Variants in SMAP1 observed in about 807,000 individuals in gnomAD.
SMAP1 encodes stromal membrane-associated protein 1.
A neutral mutation model predicts 58.5 loss-of-function variants in SMAP1; 24 were observed. That is an observed-to-expected ratio of 0.41 (90% CI 0.30 to 0.58). The LOEUF is 0.58. SMAP1 is among the 20% of genes least tolerant of loss of function. The pLI, the probability that SMAP1 is intolerant of heterozygous loss-of-function variation, is 0.29. For synonymous variants in SMAP1, 216 were observed against 196.6 expected (o/e 1.10, Z -0.82); for missense variants, 563 against 566.3 (o/e 0.99, Z 0.06).
intron 1 of SMAP1, among the ~76,000 whole-genome samples, chr6:70,719,100 G>A (rs1451204971): frequency 2.0e-5 from 3 of 152,130 alleles, no homozygotes; most frequent in South Asian, 2.1e-4. Flanking sequence ...TTTAACAGTA[G>A]CAGGTGAAAT....
At chr6:70,789,959 C>G (rs1275005369) in intron 4 of SMAP1, among the ~76,000 whole-genome samples, 2 of 152,082 alleles carry the variant, frequency 1.3e-5, no homozygotes, top group Non-Finnish European at 2.9e-5. Flanking sequence ...ATCATCTTCT[C>G]AAATGGAGGA....
intron 1 of SMAP1, among the ~76,000 whole-genome samples, chr6:70,696,278 T>C (rs1198463465): frequency 6.6e-6 from 1 of 152,170 alleles, no homozygotes; most frequent in African/African-American, 2.4e-5. Flanking sequence ...TTATTTCTTT[T>C]CTTCTAATTT....
rs1201292822 is a variant in SMAP1, at chr6:70,836,969, C to T, written c.605C>T (p.Pro202Leu). 6.2e-7 allele frequency: 1 copy of T among 1,600,876 alleles called. No homozygotes were observed. Among genetic ancestry groups the T allele is most frequent in the Non-Finnish European group, 8.5e-7 (1 of 1,174,344 alleles). ...CAGAAGAAAGATCAGCAACTGGAGCCTAAAAAAAGTACCAGCCCTAAAAAA... is the reference window on the plus strand; with the variant it reads ...CAGAAGAAAGATCAGCAACTGGAGCTTAAAAAAAGTACCAGCCCTAAAAAA... Reference protein sequence around the residue: ...KLQKKDQQLEPKKSTSPKKAA... With the variant: ...KLQKKDQQLELKKSTSPKKAA... Residue 202 changes from proline to leucine, a missense_variant, in exon 7 of 11, where the codon CCT (proline) becomes CTT (leucine). Transcript: ENST00000370455.
chr6:70,858,167 G>A lies in SMAP1; in HGVS notation c.1207G>A (p.Gly403Ser), dbSNP rs989752026. Residue 403 changes from glycine (G) to serine (S), a missense_variant, in exon 10 of 11, where the codon GGT becomes AGT. Coordinates refer to ENST00000370455, the MANE Select transcript of SMAP1 (RefSeq NM_001044305.3). ...CCAAGGAGGAATGGTGGGACAAATG[G>A]GTGCACCCCAGAGTAAGTTTGGCCT... ...GPQGGMVGQM[G>S]APQSKFGLPQ... 1 of 1,613,836 alleles carries A rather than the reference G, an allele frequency of 6.2e-7. No homozygotes were observed. Among genetic ancestry groups the A allele is most frequent in the Non-Finnish European group, 8.5e-7 (1 of 1,180,008 alleles).
At chr6:70,833,405 A>T (rs1170658179) in intron 6 of SMAP1, among the ~76,000 whole-genome samples, 1 of 152,226 alleles carries the variant, frequency 6.6e-6, no homozygotes, top group Non-Finnish European at 1.5e-5. Context: ...ACAAGATTTG[A>T]TAATGGAGGG....
intron 2 of SMAP1, among the ~76,000 whole-genome samples, chr6:70,743,418 A>G (rs990753010): frequency 4.1e-4 from 63 of 152,314 alleles, no homozygotes; most frequent in African/African-American, 1.3e-3. Flanking sequence ...GCTGTTAAAG[A>G]ATTTTTATGA....
chr6:70,762,040 A>G (rs1450717119), intron 3 of SMAP1, among the ~76,000 whole-genome samples: 1 of 152,118 alleles, frequency 6.6e-6, no homozygotes, highest in African/African-American at 2.4e-5. Flanking sequence ...TGTACTGGAA[A>G]TGAGGCTGTA....
chr6:70,851,233 CTA>C lies in SMAP1; in HGVS notation c.665-1305_665-1304del, dbSNP rs549511919. ...AATAGCAAAAAATATTTTATCGTGACTATGTGTTAATAATTCTTTGTAATTGA... is the reference window on the plus strand; with the variant it reads ...AATAGCAAAAAATATTTTATCGTGACTGTGTTAATAATTCTTTGTAATTGA... On this transcript the variant is annotated intron_variant, in intron 7 of 10. Transcript: ENST00000370455. 4.3e-3 allele frequency among the ~76,000 whole-genome samples: 658 copies of C among 152,198 alleles called. 2 individuals are homozygous for C. Among genetic ancestry groups the C allele is most frequent in the African/African-American group, 6.7e-3 (279 of 41,528 alleles).
intron 7 of SMAP1, among the ~76,000 whole-genome samples, chr6:70,849,813 C>T (rs930218619): frequency 1.3e-5 from 2 of 152,184 alleles, no homozygotes; most frequent in African/African-American, 4.8e-5. Context: ...GCACAACTGT[C>T]ACCACCATCT....
chr6:70,775,670 C>CT (rs1019503407), intron 4 of SMAP1, among the ~76,000 whole-genome samples: 1 of 151,982 alleles, frequency 6.6e-6, no homozygotes, highest in African/African-American at 2.4e-5. Flanking sequence ...CAGTTCCTTC[C>CT]TTTTTTTATG....
chr6:70,720,961 A>G (rs1768499192), intron 1 of SMAP1, among the ~76,000 whole-genome samples: 1 of 152,176 alleles, frequency 6.6e-6, no homozygotes, highest in African/African-American at 2.4e-5. Context: ...TTGATATCTT[A>G]TGAACTCTTA....
chr6:70,843,173 A>T (rs1250816734), intron 7 of SMAP1, among the ~76,000 whole-genome samples: 2 of 146,058 alleles, frequency 1.4e-5, no homozygotes, highest in Admixed American at 1.4e-4. Flanking sequence ...CCTTTTTAAA[A>T]TTAACTAATA....
At chr6:70,856,763 CCTAT>C (rs1771441791) in intron 8 of SMAP1, 92 bp from the exon 9 acceptor site, 6 of 1,262,426 alleles carry the variant, frequency 4.8e-6, no homozygotes, top group South Asian at 1.8e-5. Flanking sequence ...TTGTTTGATT[CCTAT>C]CTAATTTTAT....
At chr6:70,710,499 A>AG (rs1346757390) in intron 1 of SMAP1, among the ~76,000 whole-genome samples, 1 of 150,700 alleles carries the variant, frequency 6.6e-6, no homozygotes, top group Non-Finnish European at 1.5e-5. Flanking sequence ...ATCTCAAAAA[A>AG]AAAAAAAAAA....
rs1472098468 is a variant in SMAP1 at position 70,861,155 on chromosome 6, A to G, written c.*821A>G. On this transcript the variant is annotated 3_prime_UTR_variant, in exon 11 of 11. Coordinates refer to ENST00000370455, the MANE Select transcript of SMAP1 (RefSeq NM_001044305.3). ...AAAATGTTATTTCCCTACATTAAAC[A>G]TGACTCCATAGACCTTTTCATTTGT... 6.1e-6 allele frequency: 1 copy of G among 163,058 alleles called. No individual in the cohort carries two copies. Among genetic ancestry groups the G allele is most frequent in the Non-Finnish European group, 1.3e-5 (1 of 75,226 alleles). 10.1% of individuals were successfully genotyped at this position (163,058 alleles called of 1,614,324 possible).
chr6:70,827,686 G>A (rs1258992322), intron 6 of SMAP1, among the ~76,000 whole-genome samples: 3 of 152,296 alleles, frequency 2.0e-5, no homozygotes, highest in African/African-American at 4.8e-5. Context: ...AGTGTTTTGT[G>A]TATCACATAA....
chr6:70,752,649 A>G (rs1264449653), intron 2 of SMAP1, among the ~76,000 whole-genome samples: 3 of 151,734 alleles, frequency 2.0e-5, no homozygotes. Context: ...TCGCCTCCCC[A>G]AAACATCAGC....
intron 6 of SMAP1, among the ~76,000 whole-genome samples, chr6:70,827,594 C>T (rs1054315416): frequency 3.3e-5 from 5 of 152,166 alleles, no homozygotes; most frequent in African/African-American, 9.7e-5. Flanking sequence ...GTAAAATATG[C>T]TATATCATCA....
At chr6:70,838,140 AAAG>A (rs1409622752) in intron 7 of SMAP1, among the ~76,000 whole-genome samples, 11 of 152,190 alleles carry the variant, frequency 7.2e-5, no homozygotes, top group Non-Finnish European at 1.6e-4. Context: ...GAGAAAAAGA[AAAG>A]AAATTATTAT....
Sources: gnomAD v4.1 joint callset for allele counts (sites outside exome capture counted in the v4.1 genomes callset) on GRCh38, gnomAD v4.1.1 for gene constraint, MANE v1.5 for transcripts, NCBI Gene and HGNC (gene_info 2026-07-23, HGNC 2026-07-21) for gene names.